The following PCDHA5 variants were observed in gnomAD, a reference collection of about 807,000 sequenced individuals.
PCDHA5 encodes the protein protocadherin alpha 5.
Under a neutral mutation model 61.6 loss-of-function variants are expected in PCDHA5, and 43 were observed. That is an observed-to-expected ratio of 0.70 (90% CI 0.55 to 0.90). The LOEUF (loss-of-function observed/expected upper bound fraction) is 0.90. Among genes scored for constraint, PCDHA5 ranks in the 40% least tolerant of loss-of-function variants. The pLI is 0.00. For synonymous variants in PCDHA5, 627 were observed against 543.9 expected (o/e 1.15, Z -2.13); for missense variants, 1,298 against 1,222.7 (o/e 1.06, Z -0.92).
At chr5:140,984,859 A>G (rs1368341114) in intron 3 of PCDHA5, among the ~76,000 whole-genome samples, 1 of 152,046 alleles carries the variant, frequency 6.6e-6, no homozygotes, top group Non-Finnish European at 1.5e-5. Flanking sequence ...TAATAATAAC[A>G]CCTATTTTAT....
intron 2 of PCDHA5, among the ~76,000 whole-genome samples, chr5:140,980,367 C>A (rs1245361324): frequency 2.6e-5 from 4 of 152,174 alleles, no homozygotes; most frequent in Non-Finnish European, 5.9e-5. Flanking sequence ...CGCGGTGGCT[C>A]ACACCTGTAA....
intron 1 of PCDHA5, chr5:140,882,754 T>C: frequency 1.2e-6 from 2 of 1,614,228 alleles, no homozygotes; most frequent in South Asian, 1.1e-5. Flanking sequence ...ATGCAGATAT[T>C]GGAGTAAACT....
At chr5:140,965,195 T>C (rs1368041910) in intron 1 of PCDHA5, among the ~76,000 whole-genome samples, 3 of 152,198 alleles carry the variant, frequency 2.0e-5, no homozygotes, top group Admixed American at 6.5e-5. Context: ...CATGAGGCAA[T>C]AGATTTCAAA....
At chr5:140,980,160 T>C (rs1408251279) in intron 2 of PCDHA5, among the ~76,000 whole-genome samples, 1 of 152,140 alleles carries the variant, frequency 6.6e-6, no homozygotes, top group East Asian at 1.9e-4. Context: ...TACCAGAATA[T>C]TAGGTATCAG....
intron 1 of PCDHA5, among the ~76,000 whole-genome samples, chr5:140,913,117 G>T (rs1055437222): frequency 1.3e-5 from 2 of 152,144 alleles, no homozygotes; most frequent in Non-Finnish European, 2.9e-5. Flanking sequence ...CAGTTTGGAA[G>T]TTAACCCCTC....
intron 1 of PCDHA5, among the ~76,000 whole-genome samples, chr5:140,964,203 C>T (rs2095816993): frequency 6.6e-6 from 1 of 152,212 alleles, no homozygotes; most frequent in African/African-American, 2.4e-5. Context: ...TATACCATCT[C>T]TTTAGTACAA....
intron 2 of PCDHA5, 86 bp from the exon 3 acceptor site, chr5:140,982,389 T>C: frequency 1.3e-6 from 2 of 1,593,476 alleles, no homozygotes; most frequent in South Asian, 1.1e-5. Context: ...CCTGGCTTCA[T>C]AGTTGTAAGC....
At chr5:140,830,026 C>G in intron 1 of PCDHA5, 1 of 1,613,904 alleles carries the variant, frequency 6.2e-7, no homozygotes, top group Non-Finnish European at 8.5e-7. Context: ...CTCCGCGCCA[C>G]CGGCTGCTGG....
intron 1 of PCDHA5, chr5:140,843,320 G>A (rs782364875): frequency 6.3e-7 from 1 of 1,596,056 alleles, no homozygotes; most frequent in Non-Finnish European, 8.6e-7. Context: ...CACGGTTCTG[G>A]TGTCGCTGGT....
chr5:140,831,244 C>G (rs1554133154), intron 1 of PCDHA5: 1 of 152,156 alleles, frequency 6.6e-6, no homozygotes, highest in African/African-American at 2.4e-5. Flanking sequence ...CATTGCGGCT[C>G]TCTTATTTCT....
chr5:140,879,612 G>T (rs1554170881), intron 1 of PCDHA5, among the ~76,000 whole-genome samples: 1 of 152,172 alleles, frequency 6.6e-6, no homozygotes, highest in East Asian at 1.9e-4. Context: ...ATGTGTCCAG[G>T]TACTTAGGTG....
At chr5:140,833,531 T>G (rs1772504047) in intron 1 of PCDHA5, among the ~76,000 whole-genome samples, 1 of 152,126 alleles carries the variant, frequency 6.6e-6, no homozygotes, top group Admixed American at 6.6e-5. Context: ...AACACACAAG[T>G]GTTCGAAAGG....
intron 1 of PCDHA5, among the ~76,000 whole-genome samples, chr5:140,878,522 C>A (rs1237264420): frequency 6.6e-6 from 1 of 152,072 alleles, no homozygotes; most frequent in Non-Finnish European, 1.5e-5. Flanking sequence ...AGTTGGTAAC[C>A]AACTGTGGCT....
chr5:140,899,981 G>T (rs929559514), intron 1 of PCDHA5, among the ~76,000 whole-genome samples: 3 of 151,734 alleles, frequency 2.0e-5, no homozygotes, highest in African/African-American at 7.3e-5. Flanking sequence ...CTACTTTTTT[G>T]ATTTTTTTTG....
chr5:140,823,876 A>T lies in PCDHA5; in HGVS notation c.2101A>T (p.Ile701Phe), dbSNP rs1311118204. The T allele has an allele frequency of 6.2e-7, 1 of 1,613,886 alleles. No homozygotes were observed. Among genetic ancestry groups the T allele is most frequent in the Non-Finnish European group, 8.5e-7 (1 of 1,179,914 alleles). Residue 701 changes from isoleucine to phenylalanine, a missense_variant, in exon 1 of 4, where the codon ATC becomes TTC. Ile to Phe is a conservative substitution (Grantham distance 21, BLOSUM62 0). Transcript: ENST00000529859. ...GGTGGATGTCAACGTGTACCTGATC[A>T]TCGCCATCTGTGCGGTGTCCAGCCT... ...ALVDVNVYLI[I>F]AICAVSSLLV...
intron 1 of PCDHA5, among the ~76,000 whole-genome samples, chr5:140,912,310 A>G (rs936183695): frequency 4.0e-5 from 6 of 151,764 alleles, no homozygotes; most frequent in African/African-American, 1.2e-4. Context: ...AATCCAGTCA[A>G]GTTGACCCTC....
chr5:140,834,254 G>C, intron 1 of PCDHA5: 2 of 927,248 alleles, frequency 2.2e-6, no homozygotes, highest in Non-Finnish European at 3.3e-6. Context: ...CTGGAAAGAC[G>C]CTCCACTCTC....
At chr5:140,883,614 A>G (rs2059700095) in intron 1 of PCDHA5, 1 of 1,613,816 alleles carries the variant, frequency 6.2e-7, no homozygotes, top group South Asian at 1.1e-5. Context: ...GCCGACGTGA[A>G]CGACAACGCG....
At chr5:140,846,874 G>A (rs1315132744) in intron 1 of PCDHA5, among the ~76,000 whole-genome samples, 2 of 149,594 alleles carry the variant, frequency 1.3e-5, no homozygotes, top group Admixed American at 6.7e-5. Flanking sequence ...AGGTACAAGA[G>A]GTAAATCAGA....
Sources: gnomAD v4.1 joint callset for allele counts (sites outside exome capture counted in the v4.1 genomes callset) on GRCh38, gnomAD v4.1.1 for gene constraint, MANE v1.5 for transcripts, NCBI Gene and HGNC (gene_info 2026-07-23, HGNC 2026-07-21) for gene names.